ERICH6B: variants seen among roughly 807,000 people sequenced by gnomAD.
The protein encoded by ERICH6B is glutamate rich 6B.
A neutral mutation model predicts 80.0 loss-of-function variants in ERICH6B; 69 were observed. The observed-to-expected ratio is 0.86, with a 90% CI of 0.71 to 1.05. The LOEUF is 1.05. ERICH6B is among the 50% of genes least tolerant of loss of function. The probability of loss-of-function intolerance (pLI) is 0.00; values close to 1 mark genes in which losing one functional copy is unlikely to be tolerated. For synonymous variants in ERICH6B, 283 were observed against 291.9 expected (o/e 0.97, Z 0.31); for missense variants, 754 against 796.1 (o/e 0.95, Z 0.64).
At chr13:45,542,429 G>T (rs139878927) in intron 14 of ERICH6B, among the ~76,000 whole-genome samples, 2,422 of 152,324 alleles carry the variant, frequency 0.016, 27 homozygotes, top group Middle Eastern at 0.086. Flanking sequence ...CTGACCCTGT[G>T]CCAGGCTCTG....
chr13:45,597,058 A>G lies in ERICH6B; in HGVS notation c.-53T>C. ...CTTCTGCAGCAGCCAACGTCACTTT[A>G]TTATCCTGTATCCAAGAAAGGAATA... is the stretch of plus-strand genomic sequence containing the variant. On this transcript the variant is annotated 5_prime_UTR_variant, in exon 3 of 15. Transcript: ENST00000298738. The G allele has an allele frequency of 6.8e-7, 1 of 1,470,356 alleles. No homozygotes were observed. Among genetic ancestry groups the G allele is most frequent in the Non-Finnish European group, 9.0e-7 (1 of 1,108,158 alleles). 91.1% of individuals were successfully genotyped at this position (1,470,356 alleles called of 1,614,324 possible).
At position 45,549,893 on chromosome 13, in the gene ERICH6B, C is replaced by A; in HGVS notation, c.1646G>T (p.Trp549Leu). The A allele has an allele frequency of 6.5e-7, 1 of 1,550,100 alleles. No individual in the cohort carries two copies. The highest frequency in any genetic ancestry group is 8.7e-7 in the Non-Finnish European group (1 of 1,146,786). ...TTAGGGACTCATGACCCAAGCTTACCAGATATCACTATTTTCATCATAGAA... is the reference window on the plus strand; with the variant it reads ...TTAGGGACTCATGACCCAAGCTTACAAGATATCACTATTTTCATCATAGAA... ...ATFYDENSDI[W>L]LNLSSNLGYY... is the part of the protein sequence containing the mutation. Residue 549 changes from tryptophan to leucine, a missense_variant and splice_region_variant, in exon 13 of 15, where the codon TGG (tryptophan) becomes TTG (leucine). Physicochemically the swap from Trp to Leu is moderately conservative, Grantham distance 61. Transcript: ENST00000298738.
In ERICH6B at chr13:45,586,963, G is replaced by A. The variant is rs575449602; in HGVS notation, c.856+100C>T. ...ACAGTAGGATATCATTAGCATGAAA[G>A]GCAATACTCGAGCCACAATATTTCA... On this transcript the variant is annotated intron_variant, in intron 5 of 14. Transcript: ENST00000298738. 1.7e-3 allele frequency: 2,085 copies of A among 1,249,896 alleles called. 6 individuals are homozygous for A. The highest frequency in any genetic ancestry group is 1.9e-3 in the Non-Finnish European group (1,712 of 913,704). 77.4% of individuals were successfully genotyped at this position (1,249,896 alleles called of 1,614,324 possible).
chr13:45,610,143 T>C (rs533850498), intron 1 of ERICH6B, among the ~76,000 whole-genome samples: 163 of 152,294 alleles, frequency 1.1e-3, no homozygotes, highest in African/African-American at 3.7e-3. Flanking sequence ...GATATGCAAC[T>C]TCAATCACTC....
Position 45,563,792 on chromosome 13 carries a change from A to G in ERICH6B, c.1188-4T>C, listed in dbSNP as rs776808737. ...CTTTTCATAATTTTTCTTCAGCCTA[A>G]AAGGAAAGTGGATCATCTTTAGAAG... On this transcript the variant is annotated splice_region_variant and splice_polypyrimidine_tract_variant and intron_variant, in intron 9 of 14. Transcript: ENST00000298738. 1 of 1,551,922 alleles carries G rather than the reference A, an allele frequency of 6.4e-7. No homozygotes were observed. The highest frequency in any genetic ancestry group is 1.2e-5 in the South Asian group (1 of 84,048).
intron 5 of ERICH6B, among the ~76,000 whole-genome samples, chr13:45,585,406 C>T (rs138155215): frequency 8.6e-4 from 131 of 152,268 alleles, no homozygotes; most frequent in African/African-American, 3.1e-3. Context: ...ACACTTGCGC[C>T]GTTCTGTTGG....
rs79013228 is a variant in ERICH6B at position 45,549,953 on chromosome 13, A to G, written c.1586T>C (p.Ile529Thr). The change falls in exon 13 of 15, where the codon ATC becomes ACC. Residue 529 changes from isoleucine to threonine, a missense_variant. Coordinates refer to ENST00000298738, the MANE Select transcript of ERICH6B (RefSeq NM_182542.3). Reference protein sequence around the residue: ...IILEDSLEGRIRALINNSGNA... With the variant: ...IILEDSLEGRTRALINNSGNA... ...GCCTGAGTTGTTGATAAGGGCCCGG[A>G]TCCTCCCTTCTAGACTGTCTTCCAG... 1,373 of 1,551,664 alleles carry G rather than the reference A, an allele frequency of 8.8e-4. 12 individuals carry two copies. In the African/African-American group the frequency reaches 0.017, roughly 19 times the overall value.
chr13:45,613,820 A>G (rs1949912735), intron 1 of ERICH6B, among the ~76,000 whole-genome samples: 1 of 152,228 alleles, frequency 6.6e-6, no homozygotes. Flanking sequence ...AAATGTTTCT[A>G]TACAAAGACT....
chr13:45,598,849 T>C (rs1261789959), intron 2 of ERICH6B, among the ~76,000 whole-genome samples: 2 of 152,164 alleles, frequency 1.3e-5, no homozygotes, highest in Admixed American at 1.3e-4. Context: ...AGTGATGTCA[T>C]TCTTGGGACA....
intron 1 of ERICH6B, among the ~76,000 whole-genome samples, chr13:45,610,879 T>C (rs1280366643): frequency 2.6e-5 from 4 of 151,070 alleles, no homozygotes; most frequent in African/African-American, 9.7e-5. Flanking sequence ...TTATATATAA[T>C]ATACATTTAT....
At chr13:45,563,421 T>A (rs1437697880) in intron 10 of ERICH6B, among the ~76,000 whole-genome samples, 2 of 152,222 alleles carry the variant, frequency 1.3e-5, no homozygotes, top group African/African-American at 2.4e-5. Flanking sequence ...AAAACACGGC[T>A]GCCCTGGGGA....
rs1593789303 is a variant in ERICH6B, at chr13:45,575,345, A to G, written c.962-415T>C. Among the ~76,000 whole-genome samples the G allele has an allele frequency of 3.3e-5, 5 of 152,304 alleles. No individual in the cohort carries two copies. The South Asian group carries it at 1.0e-3, about 32-fold the overall frequency. On this transcript the variant is annotated intron_variant, in intron 7 of 14. Coordinates refer to ENST00000298738, the MANE Select transcript of ERICH6B (RefSeq NM_182542.3). ...GGTGAGTGTGGGAGGGGCATGTTTG[A>G]CACATGGCAGGGGGAACCCTATGGT...
chr13:45,573,433 G>T (rs1192410513), intron 8 of ERICH6B, among the ~76,000 whole-genome samples: 1 of 152,176 alleles, frequency 6.6e-6, no homozygotes, highest in Non-Finnish European at 1.5e-5. Flanking sequence ...ATTTCATTAA[G>T]GAACTGGAGG....
chr13:45,595,257 G>A (rs1334279995), intron 3 of ERICH6B, among the ~76,000 whole-genome samples: 2 of 152,118 alleles, frequency 1.3e-5, no homozygotes, highest in Non-Finnish European at 2.9e-5. Flanking sequence ...AAAATTGGAA[G>A]CAATAAATGG....
At chr13:45,613,052 A>T (rs1949908827) in intron 1 of ERICH6B, among the ~76,000 whole-genome samples, 1 of 152,188 alleles carries the variant, frequency 6.6e-6, no homozygotes, top group Non-Finnish European at 1.5e-5. Flanking sequence ...GCAAGTTTCC[A>T]GGAGTTAGGA....
At chr13:45,561,833 T>A (rs1043589313) in intron 10 of ERICH6B, among the ~76,000 whole-genome samples, 1 of 152,128 alleles carries the variant, frequency 6.6e-6, no homozygotes, top group African/African-American at 2.4e-5. Flanking sequence ...CCTGTACAGA[T>A]GTGTGGGTAT....
intron 11 of ERICH6B, among the ~76,000 whole-genome samples, chr13:45,550,974 G>T (rs1874198655): frequency 6.6e-6 from 1 of 152,112 alleles, no homozygotes; most frequent in African/African-American, 2.4e-5. Flanking sequence ...CATGTCTCTT[G>T]AGGGAACACA....
At chr13:45,575,079 G>T (rs1195800338) in intron 7 of ERICH6B, 149 bp from the exon 8 acceptor site, 1 of 598,422 alleles carries the variant, frequency 1.7e-6, no homozygotes, top group African/African-American at 1.9e-5. Flanking sequence ...TGTTAAATAG[G>T]TTAATCACAT....
rs1202490992 is a variant in ERICH6B, at chr13:45,596,738, C to T, written c.268G>A (p.Glu90Lys). ...AGATACTCTTCCTCCTCCAGATGCT[C>T]TTCCTTCCCCAGATACTCTTCCTCC... Reference protein sequence around the residue: ...LKEEEYLGKEEHLEEEEYLEK... With the variant: ...LKEEEYLGKEKHLEEEEYLEK... The change falls in exon 3 of 15, where the codon GAG becomes AAG. Residue 90 changes from glutamate (E) to lysine (K), a missense_variant. Glu to Lys is a moderately conservative substitution (Grantham distance 56). Coordinates refer to ENST00000298738, the MANE Select transcript of ERICH6B (RefSeq NM_182542.3). 6.4e-7 allele frequency: 1 copy of T among 1,551,840 alleles called. No homozygotes were observed.
Sources: gnomAD v4.1 joint callset for allele counts (sites outside exome capture counted in the v4.1 genomes callset) on GRCh38, gnomAD v4.1.1 for gene constraint, MANE v1.5 for transcripts, NCBI Gene and HGNC (gene_info 2026-07-23, HGNC 2026-07-21) for gene names.